Variants in COL25A1 observed in about 807,000 individuals in gnomAD.
COL25A1 encodes the protein collagen type XXV alpha 1 chain.
COL25A1 carries 103 observed loss-of-function variants against 128.4 expected under a neutral mutation model. The observed-to-expected ratio is 0.80, with a 90% CI of 0.68 to 0.94. The LOEUF (loss-of-function observed/expected upper bound fraction) is 0.94, where lower values mean the gene tolerates loss of function less well. Ranked by LOEUF, COL25A1 falls within the 40% of genes least tolerant of loss-of-function variation. COL25A1 has a pLI of 0.00. For missense variants in COL25A1, 745 were observed against 840.0 expected (o/e 0.89, Z 1.40); for synonymous variants, 279 against 277.2 (o/e 1.01, Z -0.06).
At chr4:109,104,340 T>C (rs1397427672) in intron 3 of COL25A1, among the ~76,000 whole-genome samples, 2 of 151,720 alleles carry the variant, frequency 1.3e-5, no homozygotes, top group African/African-American at 4.8e-5. Flanking sequence ...GCCACTACAC[T>C]CCAGCCTGGG....
At chr4:109,163,112 T>G (rs1020119027) in intron 3 of COL25A1, among the ~76,000 whole-genome samples, 1 of 152,126 alleles carries the variant, frequency 6.6e-6, no homozygotes, top group African/African-American at 2.4e-5. Flanking sequence ...TCCCCCTCAC[T>G]TCTGCTTCCC....
chr4:108,983,610 T>G (rs989005792), intron 6 of COL25A1, among the ~76,000 whole-genome samples: 2 of 152,194 alleles, frequency 1.3e-5, no homozygotes, highest in African/African-American at 4.8e-5. Flanking sequence ...CAGTGAGTGT[T>G]ACAGCTCTTA....
At chr4:109,056,951 C>T (rs1354834218) in intron 3 of COL25A1, among the ~76,000 whole-genome samples, 2 of 152,158 alleles carry the variant, frequency 1.3e-5, no homozygotes, top group African/African-American at 2.4e-5. Context: ...CCTCAAACTT[C>T]TGGGCTCAAG....
chr4:108,863,386 C>A lies in COL25A1; in HGVS notation c.1085G>T (p.Gly362Val), dbSNP rs1340659512. ...PGLPGLPGTK[G>V]ERGEAGPPGR... is the part of the protein sequence containing the mutation. ...AGGAGGCCCTGCTTCCCCCCGTTCACCCTGTCACAAATTGCAAAACAGGTA... is the reference window on the plus strand; with the variant it reads ...AGGAGGCCCTGCTTCCCCCCGTTCAACCTGTCACAAATTGCAAAACAGGTA... Residue 362 changes from glycine to valine, a missense_variant and splice_region_variant, in exon 21 of 38, where the codon GGT (glycine) becomes GTT (valine). Transcript: ENST00000399132. 1.2e-6 allele frequency: 2 copies of A among 1,613,586 alleles called. No individual in the cohort carries two copies. The highest frequency in any genetic ancestry group is 1.7e-6 in the Non-Finnish European group (2 of 1,179,832).
intron 3 of COL25A1, among the ~76,000 whole-genome samples, chr4:109,050,882 G>GTTT (rs1250927312): frequency 7.3e-6 from 1 of 137,442 alleles, no homozygotes; most frequent in Non-Finnish European, 1.6e-5. Flanking sequence ...AAAAAAACTT[G>GTTT]TTTTTTTTTT....
intron 3 of COL25A1, among the ~76,000 whole-genome samples, chr4:109,194,387 T>C (rs1775851617): frequency 6.6e-6 from 1 of 152,224 alleles, no homozygotes; most frequent in Non-Finnish European, 1.5e-5. Flanking sequence ...TCTATTAGCC[T>C]GTTATCTCAA....
chr4:108,931,308 A>G (rs1746702806), intron 11 of COL25A1, among the ~76,000 whole-genome samples: 1 of 152,214 alleles, frequency 6.6e-6, no homozygotes, highest in Non-Finnish European at 1.5e-5. Context: ...CATTCTTTAC[A>G]GATGAGGAAT....
At chr4:108,830,501 T>C (rs6840103) in intron 32 of COL25A1, among the ~76,000 whole-genome samples, 152,241 of 152,318 alleles carry the variant, frequency 1, 76,082 homozygotes, top group Non-Finnish European at 1. Flanking sequence ...ATGGCGCCTC[T>C]ATCAATTAAC....
In COL25A1 at chr4:108,832,447, A is replaced by ATATG; in HGVS notation, c.1657-15_1657-14insCATA. 1.3e-6 allele frequency: 2 copies of ATATG among 1,564,766 alleles called. No homozygotes were observed. The highest frequency in any genetic ancestry group is 1.7e-6 in the Non-Finnish European group (2 of 1,143,548). On this transcript the variant is annotated splice_polypyrimidine_tract_variant and intron_variant, in intron 31 of 37. Transcript: ENST00000399132. ...ACCATCTGTACCCTAAAAAAAAGAT[A>ATATG]ATATGAGATATATCACAAGGGCTGC...
chr4:109,153,038 G>A (rs141467302), intron 3 of COL25A1, among the ~76,000 whole-genome samples: 2 of 152,094 alleles, frequency 1.3e-5, no homozygotes, highest in South Asian at 4.1e-4. Flanking sequence ...TATATATCAT[G>A]TATTAATATA....
chr4:108,846,064 C>A (rs909903562), intron 28 of COL25A1, 75 bp downstream of exon 28: 4 of 987,506 alleles, frequency 4.1e-6, no homozygotes, highest in African/African-American at 3.3e-5. Context: ...TAATATAACT[C>A]TTTTCTGATT....
At chr4:108,893,157 T>C (rs1361613867) in intron 16 of COL25A1, among the ~76,000 whole-genome samples, 1 of 151,850 alleles carries the variant, frequency 6.6e-6, no homozygotes, top group African/African-American at 2.4e-5. Flanking sequence ...AGATGTGAAG[T>C]ATGAAGATGA....
At chr4:109,074,471 C>T (rs935037470) in intron 3 of COL25A1, among the ~76,000 whole-genome samples, 1 of 152,084 alleles carries the variant, frequency 6.6e-6, no homozygotes, top group Non-Finnish European at 1.5e-5. Flanking sequence ...TTCCCATTGT[C>T]GTAGAAAATG....
chr4:109,132,356 C>T (rs948151701), intron 3 of COL25A1, among the ~76,000 whole-genome samples: 2 of 152,144 alleles, frequency 1.3e-5, no homozygotes, highest in African/African-American at 2.4e-5. Flanking sequence ...GCTTCCCATA[C>T]GCTTTCTAGA....
intron 3 of COL25A1, among the ~76,000 whole-genome samples, chr4:109,239,770 T>A (rs1010721256): frequency 1.3e-5 from 2 of 152,076 alleles, no homozygotes; most frequent in African/African-American, 4.8e-5. Flanking sequence ...CTTAGCTATT[T>A]ACTTTACAAA....
chr4:109,138,928 T>C (rs1372686119), intron 3 of COL25A1, among the ~76,000 whole-genome samples: 6 of 152,222 alleles, frequency 3.9e-5, no homozygotes, highest in East Asian at 3.9e-4. Context: ...AGGATGGTCT[T>C]GATCTCCTGA....
At chr4:108,833,440 G>A (rs979556316) in intron 31 of COL25A1, among the ~76,000 whole-genome samples, 3 of 152,190 alleles carry the variant, frequency 2.0e-5, no homozygotes, top group Non-Finnish European at 4.4e-5. Flanking sequence ...CTGAGGTCCA[G>A]TGAAAATAAT....
chr4:108,921,862 A>G (rs547573005), intron 11 of COL25A1, among the ~76,000 whole-genome samples: 1 of 152,294 alleles, frequency 6.6e-6, no homozygotes, highest in South Asian at 2.1e-4. Flanking sequence ...GTGGTCAGAC[A>G]TTCTCCCTAC....
At position 109,175,149 on chromosome 4, in the gene COL25A1, T is replaced by C. The variant is rs377209754; in HGVS notation, c.368-124970A>G. Among the ~76,000 whole-genome samples, 8 of 152,312 alleles carry C rather than the reference T, an allele frequency of 5.3e-5. No homozygotes were observed. In the East Asian group the frequency reaches 1.5e-3, roughly 29 times the overall value. ...CCAAAAAGGTTGGGGACCTCTGTTA[T>C]AGACCATCATTTCAGTTGAGTATTT... On this transcript the variant is annotated intron_variant, in intron 3 of 37. Coordinates refer to ENST00000399132, the MANE Select transcript of COL25A1 (RefSeq NM_198721.4).
Sources: allele counts gnomAD v4.1 joint callset (sites outside exome capture counted in the v4.1 genomes callset), GRCh38; gene constraint gnomAD v4.1.1; transcripts MANE v1.5; gene names NCBI Gene and HGNC (gene_info 2026-07-23, HGNC 2026-07-21).